KIAA1217: variants seen among roughly 807,000 people sequenced by gnomAD.
KIAA1217 encodes the protein sickle tail protein homolog.
KIAA1217 carries 88 observed loss-of-function variants against 163.9 expected under a neutral mutation model. That is an observed-to-expected ratio of 0.54 (90% confidence interval 0.45 to 0.64). The LOEUF is 0.64. Ranked by LOEUF, KIAA1217 falls within the 30% of genes least tolerant of loss-of-function variation. The pLI is 0.00. For missense variants in KIAA1217, 2,372 were observed against 2,475.0 expected, an observed-to-expected ratio of 0.96 and a Z score of 0.88; for synonymous variants, 903 against 923.1, an observed-to-expected ratio of 0.98 and a Z score of 0.39.
At chr10:24,401,038 A>G (rs549919951) in intron 3 of KIAA1217, among the ~76,000 whole-genome samples, 1 of 151,558 alleles carries the variant, frequency 6.6e-6, no homozygotes, top group Non-Finnish European at 1.5e-5. Context: ...CAAAGATCAA[A>G]AGAAAATTTT....
chr10:24,521,052 T>G, intron 11 of KIAA1217, among the ~76,000 whole-genome samples: 1 of 147,362 alleles, frequency 6.8e-6, no homozygotes, highest in Non-Finnish European at 1.5e-5. Flanking sequence ...GTTTTTTTTT[T>G]TTTTTTTTTC....
At chr10:24,146,670 G>A (rs2064329537) in intron 2 of KIAA1217, among the ~76,000 whole-genome samples, 1 of 151,860 alleles carries the variant, frequency 6.6e-6, no homozygotes. Context: ...ATGACACAGA[G>A]AGACCCTGTC....
chr10:24,218,077 A>G (rs1344093885), intron 1 of KIAA1217, among the ~76,000 whole-genome samples: 1 of 152,216 alleles, frequency 6.6e-6, no homozygotes, highest in East Asian at 1.9e-4. Context: ...CTTTATGATA[A>G]GAACTGTTCT....
intron 2 of KIAA1217, among the ~76,000 whole-genome samples, chr10:24,099,189 T>A (rs1364315065): frequency 9.0e-6 from 1 of 111,570 alleles, no homozygotes. Context: ...TGCAAAAACT[T>A]TTTTTTTTTT....
chr10:24,115,135 G>T (rs900946792), intron 2 of KIAA1217, among the ~76,000 whole-genome samples: 1 of 152,174 alleles, frequency 6.6e-6, no homozygotes, highest in African/African-American at 2.4e-5. Context: ...ACATTTGTGT[G>T]TTTCTCTTTC....
intron 2 of KIAA1217, among the ~76,000 whole-genome samples, chr10:24,187,402 T>G (rs920092232): frequency 1.3e-5 from 2 of 152,216 alleles, no homozygotes; most frequent in Admixed American, 6.5e-5. Flanking sequence ...CCAAAAAATG[T>G]CACTGCTCTA....
intron 2 of KIAA1217, among the ~76,000 whole-genome samples, chr10:24,184,231 T>G (rs956306270): frequency 1.3e-4 from 20 of 152,192 alleles, no homozygotes; most frequent in African/African-American, 4.8e-4. Flanking sequence ...GTTTTTCATT[T>G]GTGGGACTTG....
intron 1 of KIAA1217, among the ~76,000 whole-genome samples, chr10:23,911,195 C>G (rs1322128324): frequency 6.6e-6 from 1 of 152,148 alleles, no homozygotes; most frequent in Non-Finnish European, 1.5e-5. Flanking sequence ...AAGTCCAAAG[C>G]CAGGATTCAA....
At chr10:23,819,045 G>A (rs1837496162) in intron 1 of KIAA1217, among the ~76,000 whole-genome samples, 1 of 152,098 alleles carries the variant, frequency 6.6e-6, no homozygotes, top group African/African-American at 2.4e-5. Flanking sequence ...TTAAAGTGTG[G>A]ATTATTTGCA....
chr10:24,064,249 C>G (rs886846183), intron 2 of KIAA1217, among the ~76,000 whole-genome samples: 3 of 152,052 alleles, frequency 2.0e-5, no homozygotes. Flanking sequence ...TCTAGTTTTT[C>G]TCCATTCAGT....
intron 1 of KIAA1217, among the ~76,000 whole-genome samples, chr10:23,724,877 T>G (rs1353394591): frequency 1.3e-5 from 2 of 152,218 alleles, no homozygotes; most frequent in Non-Finnish European, 2.9e-5. Context: ...CTCTTGACTT[T>G]GCCTTCATAT....
chr10:23,985,481 C>A (rs1427330551), intron 1 of KIAA1217, among the ~76,000 whole-genome samples: 1 of 152,180 alleles, frequency 6.6e-6, no homozygotes, highest in African/African-American at 2.4e-5. Flanking sequence ...CCACAGAGGA[C>A]AGACTTACCA....
intron 2 of KIAA1217, among the ~76,000 whole-genome samples, chr10:24,118,402 A>G (rs935269894): frequency 3.3e-5 from 5 of 152,214 alleles, no homozygotes; most frequent in African/African-American, 1.2e-4. Context: ...TGCTGAGCCT[A>G]GAAAACCGAG....
At chr10:24,037,370 A>G (rs1848438930) in intron 2 of KIAA1217, among the ~76,000 whole-genome samples, 1 of 152,196 alleles carries the variant, frequency 6.6e-6, no homozygotes, top group Non-Finnish European at 1.5e-5. Flanking sequence ...GGTGCCTGTA[A>G]TCCCAGCTAC....
intron 2 of KIAA1217, among the ~76,000 whole-genome samples, chr10:24,267,399 G>A (rs1175225999): frequency 1.3e-5 from 2 of 152,184 alleles, no homozygotes; most frequent in Non-Finnish European, 2.9e-5. Context: ...TTCTCCCAAG[G>A]TAAGGGAACC....
intron 3 of KIAA1217, among the ~76,000 whole-genome samples, chr10:24,428,725 T>TA (rs35677878): frequency 0.01 from 1,464 of 144,888 alleles, 25 homozygotes; most frequent in African/African-American, 0.032. Context: ...ACAACAAACT[T>TA]AAAAAAAAAA....
At chr10:24,216,362 A>T (rs2068817604) in intron 1 of KIAA1217, among the ~76,000 whole-genome samples, 2 of 152,206 alleles carry the variant, frequency 1.3e-5, no homozygotes, top group East Asian at 1.9e-4. Context: ...TTGGACATGC[A>T]TGGATGTTTA....
At chr10:24,377,700 T>C (rs1165616135) in intron 2 of KIAA1217, among the ~76,000 whole-genome samples, 1 of 152,168 alleles carries the variant, frequency 6.6e-6, no homozygotes, top group African/African-American at 2.4e-5. Flanking sequence ...GGGGGAAATA[T>C]TTCTTTAGAA....
chr10:24,246,302 T>G (rs1171475556), intron 2 of KIAA1217, among the ~76,000 whole-genome samples: 1 of 152,190 alleles, frequency 6.6e-6, no homozygotes, highest in Non-Finnish European at 1.5e-5. Context: ...CCCCTTTTAA[T>G]TGCTGGTTAG....
Sources: allele counts gnomAD v4.1 joint callset (sites outside exome capture counted in the v4.1 genomes callset), GRCh38; gene constraint gnomAD v4.1.1; transcripts MANE v1.5; gene names NCBI Gene and HGNC (gene_info 2026-07-23, HGNC 2026-07-21).